The following SOX5 variants were observed in gnomAD, a reference collection of about 807,000 sequenced individuals.
SOX5 encodes transcription factor SOX-5.
In SOX5, 9 loss-of-function variants were observed where a neutral mutation model predicts 92.0. That is an observed-to-expected ratio of 0.10 (90% CI 0.06 to 0.17). SOX5 has a LOEUF of 0.17. SOX5 is among the 10% of genes least tolerant of loss of function. The pLI, the probability that SOX5 is intolerant of heterozygous loss-of-function variation, is 1.00. For missense variants in SOX5, 642 were observed against 944.5 expected (o/e 0.68, Z 4.20); for synonymous variants, 344 against 336.3 (o/e 1.02, Z -0.25).
chr12:24,315,241 C>A (rs993007459), intron 2 of SOX5, among the ~76,000 whole-genome samples: 2 of 152,294 alleles, frequency 1.3e-5, no homozygotes, highest in Admixed American at 1.3e-4. Context: ...GCATTTCTAG[C>A]TGTCTGTAAA....
chr12:24,175,075 T>C (rs558635582), intron 4 of SOX5, among the ~76,000 whole-genome samples: 34 of 152,340 alleles, frequency 2.2e-4, no homozygotes, highest in Admixed American at 2.2e-3. Context: ...GTCCGAAAAC[T>C]ACATGGAGCA....
At chr12:23,670,257 T>G (rs1021754872) in intron 6 of SOX5, among the ~76,000 whole-genome samples, 2 of 152,042 alleles carry the variant, frequency 1.3e-5, no homozygotes, top group African/African-American at 4.8e-5. Flanking sequence ...CCACTTCCAT[T>G]AGAACAGAGG....
chr12:24,154,796 A>G (rs1952001584), intron 4 of SOX5, among the ~76,000 whole-genome samples: 1 of 152,126 alleles, frequency 6.6e-6, no homozygotes, highest in Admixed American at 6.6e-5. Context: ...CTGATTTTTC[A>G]TAATATAATA....
intron 1 of SOX5, among the ~76,000 whole-genome samples, chr12:24,457,498 C>G (rs1442648858): frequency 1.3e-5 from 2 of 152,120 alleles, no homozygotes; most frequent in Admixed American, 6.6e-5. Flanking sequence ...TTTGGGCATA[C>G]AGACACAACA....
intron 5 of SOX5, among the ~76,000 whole-genome samples, chr12:23,736,331 G>A (rs1005898367): frequency 1.3e-5 from 2 of 151,820 alleles, no homozygotes; most frequent in African/African-American, 2.4e-5. Context: ...GCGTGGTGGC[G>A]GGCGCCTGTA....
At chr12:24,510,937 C>T (rs565515448) in intron 1 of SOX5, among the ~76,000 whole-genome samples, 13 of 152,152 alleles carry the variant, frequency 8.5e-5, no homozygotes, top group South Asian at 2.1e-4. Context: ...ATCTTTTGAA[C>T]GCATTCCACT....
intron 1 of SOX5, among the ~76,000 whole-genome samples, chr12:24,450,707 T>A (rs993158092): frequency 6.6e-6 from 1 of 152,142 alleles, no homozygotes; most frequent in Admixed American, 6.6e-5. Flanking sequence ...GCCAGGCTGG[T>A]CTTAAACTCC....
chr12:23,792,622 C>CA lies in SOX5; in HGVS notation c.482-36899dup, dbSNP rs749845598. 1.3e-3 allele frequency among the ~76,000 whole-genome samples: 50 copies of CA among 38,962 alleles called. 12 individuals are homozygous for CA. The highest frequency in any genetic ancestry group is 4.4e-3 in the African/African-American group (28 of 6,334). 25.6% of individuals were successfully genotyped at this position (38,962 alleles called of 152,430 possible). A position where few individuals can be genotyped will look rare whatever the true frequency, so the allele number is the denominator to read the frequency against. The stretch of plus-strand genomic sequence containing the variant: ...TGGGCAATAGAGTGAGGCTCTGTCT[C>CA]AAAAAAAAAAAAAAAAAAAAAAAAA... On this transcript the variant is annotated intron_variant, in intron 3 of 14. Transcript: ENST00000451604.
rs189730846 is a variant in SOX5 at position 23,771,377 on chromosome 12, T to C, written c.482-15653A>G. On this transcript the variant is annotated intron_variant, in intron 3 of 14. Transcript: ENST00000451604. ...ACTGTCACTGAGCCAGTCCCAGACA[T>C]GGTGGAAACCAGCCCACAGGAAAAG... is the stretch of plus-strand genomic sequence containing the variant. Among the ~76,000 whole-genome samples, 14 of 152,234 alleles carry C rather than the reference T, an allele frequency of 9.2e-5. 1 individual carries two copies. Among genetic ancestry groups the C allele is most frequent in the South Asian group, 4.2e-4 (2 of 4,812 alleles).
At chr12:24,404,007 C>T (rs944672797) in intron 1 of SOX5, among the ~76,000 whole-genome samples, 8 of 152,150 alleles carry the variant, frequency 5.3e-5, no homozygotes, top group Non-Finnish European at 2.9e-5. Flanking sequence ...CTATCTCCCA[C>T]CTAGGAGGCA....
At chr12:23,966,248 T>TG (rs1449540657) in intron 4 of SOX5, among the ~76,000 whole-genome samples, 2 of 92,166 alleles carry the variant, frequency 2.2e-5, no homozygotes, top group South Asian at 6.3e-4. Flanking sequence ...AAAAGCTGTT[T>TG]GGGTAAAGGG....
chr12:23,812,940 C>A (rs931954657), intron 3 of SOX5, among the ~76,000 whole-genome samples: 9 of 152,250 alleles, frequency 5.9e-5, no homozygotes, highest in Middle Eastern at 6.8e-3. Flanking sequence ...ACTAAAATTG[C>A]TAAATGATAG....
upstream of SOX5, chr12:23,949,778 C>CTT: frequency 1.7e-6 from 1 of 574,222 alleles, no homozygotes; most frequent in Non-Finnish European, 2.8e-6. Context: ...CTCTCTCTCT[C>CTT]TCTCTCTCTC....
chr12:24,075,277 T>TAAAA (rs59967372), intron 4 of SOX5, among the ~76,000 whole-genome samples: 19 of 75,788 alleles, frequency 2.5e-4, no homozygotes, highest in African/African-American at 8.9e-4. Context: ...CTCAAATTAT[T>TAAAA]AAAAAAAAAA....
In SOX5 at chr12:23,649,963, A is replaced by G. The variant is rs572400725; in HGVS notation, c.932-9066T>C. ...AAGTTTTGGACAGTTTTATGGCATT[A>G]TCTTCACTGAAATGTGGAGACTCAT... On this transcript the variant is annotated intron_variant, in intron 7 of 14. Coordinates refer to ENST00000451604, the MANE Select transcript of SOX5 (RefSeq NM_006940.6). Among the ~76,000 whole-genome samples the G allele has an allele frequency of 8.5e-5, 13 of 152,260 alleles. No homozygotes were observed. In the South Asian group the frequency reaches 2.3e-3, roughly 27 times the overall value.
At chr12:24,527,387 C>T (rs1414470399) in intron 1 of SOX5, among the ~76,000 whole-genome samples, 1 of 152,184 alleles carries the variant, frequency 6.6e-6, no homozygotes, top group East Asian at 1.9e-4. Context: ...AAAATCTAGT[C>T]ATATGTTTGT....
intron 2 of SOX5, among the ~76,000 whole-genome samples, chr12:24,348,226 A>T (rs575608): frequency 2.0e-5 from 3 of 151,674 alleles, no homozygotes; most frequent in Admixed American, 1.3e-4. Flanking sequence ...TAAGACACAG[A>T]GTCTTTGGAA....
intron 1 of SOX5, among the ~76,000 whole-genome samples, chr12:24,543,439 C>T (rs1328026216): frequency 6.6e-6 from 1 of 152,236 alleles, no homozygotes; most frequent in Non-Finnish European, 1.5e-5. Flanking sequence ...GTAATCCGAG[C>T]ACTTCGGGAG....
intron 4 of SOX5, among the ~76,000 whole-genome samples, chr12:24,103,354 CT>C (rs5797063): frequency 0.69 from 102,605 of 148,862 alleles, 36,771 homozygotes; most frequent in East Asian, 0.99. Context: ...TTCTCAATAT[CT>C]TTTTTTTTTT....
Sources: allele counts gnomAD v4.1 joint callset (sites outside exome capture counted in the v4.1 genomes callset), GRCh38; gene constraint gnomAD v4.1.1; transcripts MANE v1.5; gene names NCBI Gene and HGNC (gene_info 2026-07-23, HGNC 2026-07-21).